The following PIP4K2C variants were observed in gnomAD, a reference collection of about 807,000 sequenced individuals.
The protein encoded by PIP4K2C is phosphatidylinositol-5-phosphate 4-kinase type 2 gamma.
PIP4K2C carries 21 observed loss-of-function variants against 45.0 expected under a neutral mutation model. The observed-to-expected ratio is 0.47, with a 90% CI of 0.33 to 0.67. The LOEUF (loss-of-function observed/expected upper bound fraction) is 0.67, where lower values mean the gene tolerates loss of function less well. PIP4K2C is among the 30% of genes least tolerant of loss of function. The pLI is 0.02. For missense variants in PIP4K2C, 456 were observed against 542.8 expected (o/e 0.84, Z 1.59); for synonymous variants, 201 against 204.8 (o/e 0.98, Z 0.16).
chr12:57,591,419 G>C lies in PIP4K2C; in HGVS notation c.130G>C (p.Ala44Pro). 1 of 1,613,726 alleles carries C rather than the reference G, an allele frequency of 6.2e-7. No homozygotes were observed. Among genetic ancestry groups the C allele is most frequent in the Non-Finnish European group, 8.5e-7 (1 of 1,179,806 alleles). Residue 44 changes from alanine to proline, a missense_variant, in exon 1 of 10, where the codon GCC becomes CCC. Physicochemically the swap from Ala to Pro is conservative, Grantham distance 27. Transcript: ENST00000354947. ...VQQKVKVFRA[A>P]DPLVGVFLWG... ...GCAGAAGGTGAAGGTGTTCCGGGCG[G>C]CCGACCCGCTGGTGGGTGTGTTCCT...
At chr12:57,594,167 G>T (rs1883093796) in intron 2 of PIP4K2C, 45 bp downstream of exon 2, 1 of 1,448,570 alleles carries the variant, frequency 6.9e-7, no homozygotes. Context: ...TTCCCAGAAA[G>T]GAGTAATAAA....
rs1883321380 is a variant in PIP4K2C, at chr12:57,599,199, G to A, written c.648G>A (p.Lys216=). ...GCCACCGTCTTCCTGTGCACAGGAA[G>A]TATGACCTCAAGGTAAGAAGAGGGT... ...MFSHRLPVHR[K]YDLKGSLVSR... is the part of the protein sequence containing the mutation. Residue 216 remains lysine, a synonymous_variant, in exon 5 of 10, where the codon AAG becomes AAA. Coordinates refer to ENST00000354947, the MANE Select transcript of PIP4K2C (RefSeq NM_024779.5). 3.1e-6 allele frequency: 5 copies of A among 1,614,218 alleles called. No individual in the cohort carries two copies. The highest frequency in any genetic ancestry group is 4.2e-6 in the Non-Finnish European group (5 of 1,180,032).
intron 6 of PIP4K2C, 36 bp downstream of exon 6, chr12:57,599,474 G>C (rs778802818): frequency 6.2e-7 from 1 of 1,612,946 alleles, no homozygotes; most frequent in Non-Finnish European, 8.5e-7. Context: ...TGAGGGATGA[G>C]GGATGAGGGA....
At chr12:57,599,344 G>C in intron 5 of PIP4K2C, 56 bp from the exon 6 acceptor site, 2 of 1,611,840 alleles carry the variant, frequency 1.2e-6, no homozygotes, top group South Asian at 2.2e-5. Flanking sequence ...TAGGGGCTGG[G>C]TTCTGACTGT....
Position 57,600,310 on chromosome 12 carries a change from T to G in PIP4K2C, c.700-14T>G. Reference sequence around the variant, plus strand: ...AGGGATATGTTCCCAAGATGTCCCTTTACATATTCTTAGGTTAAAGAATTG... The same window carrying G: ...AGGGATATGTTCCCAAGATGTCCCTGTACATATTCTTAGGTTAAAGAATTG... On this transcript the variant is annotated splice_polypyrimidine_tract_variant and intron_variant, in intron 6 of 9. Coordinates refer to ENST00000354947, the MANE Select transcript of PIP4K2C (RefSeq NM_024779.5). The G allele has an allele frequency of 6.5e-7, 1 of 1,531,448 alleles. No homozygotes were observed. Among genetic ancestry groups the G allele is most frequent in the Non-Finnish European group, 9.0e-7 (1 of 1,108,552 alleles). 94.9% of individuals were successfully genotyped at this position (1,531,448 alleles called of 1,614,324 possible). A position where few individuals can be genotyped will look rare whatever the true frequency, so the allele number is the denominator to read the frequency against.
intron 3 of PIP4K2C, 98 bp from the exon 4 acceptor site, chr12:57,595,790 C>A: frequency 1.5e-6 from 2 of 1,328,902 alleles, no homozygotes; most frequent in East Asian, 2.3e-5. Flanking sequence ...AATCTCCTAC[C>A]CCAGGGATTC....
At position 57,601,056 on chromosome 12, in the gene PIP4K2C, C is replaced by G. The variant is rs1248459313; in HGVS notation, c.1059C>G (p.Val353=). 3.1e-6 allele frequency: 5 copies of G among 1,613,634 alleles called. No individual in the cohort carries two copies. The highest frequency in any genetic ancestry group is 4.2e-6 in the Non-Finnish European group (5 of 1,180,010). Residue 353 remains valine (V), a synonymous_variant, in exon 8 of 10, where the codon GTC becomes GTG. Transcript: ENST00000354947. ...GAGAGTTTGAGTCCTTCATTGATGT[C>G]TATGCCATCCGGAGTGCTGAAGGTG... ...GPGEFESFID[V]YAIRSAEGAP... is the part of the protein sequence containing the mutation.
In PIP4K2C at chr12:57,594,086, G is replaced by A. The variant is rs774720885; in HGVS notation, c.236G>A (p.Ser79Asn). The A allele has an allele frequency of 1.2e-6, 2 of 1,613,862 alleles. No individual in the cohort carries two copies. Among genetic ancestry groups the A allele is most frequent in the African/African-American group, 2.7e-5 (2 of 74,870 alleles). ...VMLLPDDFKA[S>N]SKIKVNNHLF... ...CTGCTGCCAGATGACTTTAAGGCCA[G>A]CTCCAAGATCAAGGTCAACAATCAC... Residue 79 changes from serine to asparagine, a missense_variant, in exon 2 of 10, where the codon AGC becomes AAC. Physicochemically the swap from Ser to Asn is conservative, Grantham distance 46. Around this residue, in one of 2 missense-constraint regions of PIP4K2C, gnomAD observed 421 missense variants for 473.1 expected, o/e 0.89. Transcript: ENST00000354947.
At position 57,594,043 on chromosome 12, in the gene PIP4K2C, G is replaced by A; in HGVS notation, c.193G>A (p.Val65Met). 1 of 1,613,912 alleles carries A rather than the reference G, an allele frequency of 6.2e-7. No individual in the cohort carries two copies. Among genetic ancestry groups the A allele is most frequent in the Non-Finnish European group, 8.5e-7 (1 of 1,179,968 alleles). The change falls in exon 2 of 10, where the codon GTG becomes ATG. Residue 65 changes from valine (V) to methionine (M), a missense_variant. Physicochemically the swap from Val to Met is conservative, Grantham distance 21 (BLOSUM62 1). Transcript: ENST00000354947. ...VAHSINELSQVPPPVMLLPDD... is the reference protein window; with the variant it reads ...VAHSINELSQMPPPVMLLPDD... ...TTATCAGATCAATGAGCTCAGCCAGGTGCCTCCCCCGGTGATGCTGCTGCC... is the reference window on the plus strand; with the variant it reads ...TTATCAGATCAATGAGCTCAGCCAGATGCCTCCCCCGGTGATGCTGCTGCC...
Position 57,595,797 on chromosome 12 carries a change from A to T in PIP4K2C, c.370-91A>T, listed in dbSNP as rs1883165699. ...CTGTGCTGAATCTCCTACCCCAGGG[A>T]TTCATCCACTTTCAGCTGACCATTT... On this transcript the variant is annotated intron_variant, in intron 3 of 9. Coordinates refer to ENST00000354947, the MANE Select transcript of PIP4K2C (RefSeq NM_024779.5). 5 of 1,403,234 alleles carry T rather than the reference A, an allele frequency of 3.6e-6. No individual in the cohort carries two copies. In the Admixed American group the frequency reaches 8.6e-5, roughly 24 times the overall value. The allele number at this position is 1,403,234 out of a possible 1,614,324, so 86.9% of individuals were successfully genotyped here.
At chr12:57,593,521 C>A (rs186037666) in intron 1 of PIP4K2C, among the ~76,000 whole-genome samples, 2 of 152,224 alleles carry the variant, frequency 1.3e-5, no homozygotes, top group African/African-American at 4.8e-5. Flanking sequence ...GAAGACTGGT[C>A]CTGTTTGCAA....
chr12:57,597,271 G>A (rs545363469), intron 4 of PIP4K2C, among the ~76,000 whole-genome samples: 80 of 152,266 alleles, frequency 5.3e-4, no homozygotes, highest in Admixed American at 1.6e-3. Context: ...AATAGTCCAG[G>A]GTAGAAACAA....
rs772278412 is a variant in PIP4K2C, at chr12:57,601,526, G to T, written c.1186G>T (p.Ala396Ser). 7 of 1,612,318 alleles carry T rather than the reference G, an allele frequency of 4.3e-6. No individual in the cohort carries two copies. Among genetic ancestry groups the T allele is most frequent in the South Asian group, 3.3e-5 (3 of 91,050 alleles). The change falls in exon 10 of 10, where the codon GCT becomes TCT. Residue 396 changes from alanine to serine, a missense_variant and splice_region_variant. Physicochemically the swap from Ala to Ser is moderately conservative, Grantham distance 99. This residue lies in a region of PIP4K2C where 35 missense variants were observed against 69.7 expected (regional missense o/e 0.50). Transcript: ENST00000354947. ...AHAAKTVKHG[A>S]GAEISTVHPE... is the part of the protein sequence containing the mutation. The stretch of plus-strand genomic sequence containing the variant: ...TATTGTTCCGTATCTCCTCTCACAG[G>T]CTGGGGCAGAGATCTCTACTGTCCA...
chr12:57,600,048 C>CAAAA (rs56278212), intron 6 of PIP4K2C, among the ~76,000 whole-genome samples: 3 of 139,464 alleles, frequency 2.2e-5, no homozygotes, highest in African/African-American at 8.8e-5. Context: ...GATCCTATCT[C>CAAAA]AAAAAAAAAA....
At position 57,602,096 on chromosome 12, in the gene PIP4K2C, C is replaced by T. The variant is rs1883466901; in HGVS notation, c.*490C>T. ...TGGCATGCTTCCCTCCTGGTGGGCC[C>T]TAGGATGGATGACACTCAAGATACT... On this transcript the variant is annotated 3_prime_UTR_variant, in exon 10 of 10. Coordinates refer to ENST00000354947, the MANE Select transcript of PIP4K2C (RefSeq NM_024779.5). 1 of 179,982 alleles carries T rather than the reference C, an allele frequency of 5.6e-6. No individual in the cohort carries two copies. The highest frequency in any genetic ancestry group is 5.4e-5 in the Admixed American group (1 of 18,468). 11.1% of individuals were successfully genotyped at this position (179,982 alleles called of 1,614,324 possible).
chr12:57,591,270 G>T lies in PIP4K2C; in HGVS notation c.-20G>T. On this transcript the variant is annotated 5_prime_UTR_variant, in exon 1 of 10. Coordinates refer to ENST00000354947, the MANE Select transcript of PIP4K2C (RefSeq NM_024779.5). ...TAGCTGCCGGCTCCGGCTTCCACTT[G>T]GTCGGTTGCGCGGGAGACTATGGCG... 1 of 1,590,576 alleles carries T rather than the reference G, an allele frequency of 6.3e-7. No homozygotes were observed. The highest frequency in any genetic ancestry group is 1.1e-5 in the South Asian group (1 of 89,816).
chr12:57,601,945 G>A lies in PIP4K2C; in HGVS notation c.*339G>A. On this transcript the variant is annotated 3_prime_UTR_variant, in exon 10 of 10. Coordinates refer to ENST00000354947, the MANE Select transcript of PIP4K2C (RefSeq NM_024779.5). ...ATATAGGAGCTAGGGGAAGGGGGTT[G>A]TTTGCCTTCTTCAGGACCTGACTGG... 1 of 298,562 alleles carries A rather than the reference G, an allele frequency of 3.3e-6. No homozygotes were observed. Among genetic ancestry groups the A allele is most frequent in the South Asian group, 4.3e-5 (1 of 23,482 alleles). 18.5% of individuals were successfully genotyped at this position (298,562 alleles called of 1,614,324 possible).
intron 1 of PIP4K2C, among the ~76,000 whole-genome samples, chr12:57,592,941 C>A (rs754381991): frequency 6.7e-6 from 1 of 149,124 alleles, no homozygotes; most frequent in African/African-American, 2.5e-5. Context: ...GTTCTGTCCT[C>A]CTTTTCTACT....
chr12:57,600,046 C>T (rs1883358867), intron 6 of PIP4K2C, among the ~76,000 whole-genome samples: 1 of 93,434 alleles, frequency 1.1e-5, no homozygotes, highest in Non-Finnish European at 2.1e-5. Context: ...GAGATCCTAT[C>T]TCAAAAAAAA....
Sources: allele counts gnomAD v4.1 joint callset (sites outside exome capture counted in the v4.1 genomes callset), GRCh38; gene constraint gnomAD v4.1.1; regional missense constraint gnomAD v4.1.1; transcripts MANE v1.5; gene names NCBI Gene and HGNC (gene_info 2026-07-23, HGNC 2026-07-21).